The following UPRT variants were observed in gnomAD, a reference collection of about 807,000 sequenced individuals.
UPRT encodes uracil phosphoribosyltransferase homolog, also known as RP11-311P8.3.
UPRT carries 5 observed loss-of-function variants against 22.6 expected under a neutral mutation model. The observed-to-expected ratio is 0.22, with a 90% CI of 0.12 to 0.47. The LOEUF (loss-of-function observed/expected upper bound fraction) is 0.47. Among genes scored for constraint, UPRT ranks in the 20% least tolerant of loss-of-function variants. The pLI, the probability that UPRT is intolerant of heterozygous loss-of-function variation, is 0.99. For missense variants in UPRT, 181 were observed against 239.9 expected, an observed-to-expected ratio of 0.75 and a Z score of 1.62; for synonymous variants, 77 against 87.7, an observed-to-expected ratio of 0.88 and a Z score of 0.68.
At chrX:75,289,087 A>G (rs1364395271) in intron 1 of UPRT, among the ~76,000 whole-genome samples, 2 of 111,093 alleles carry the variant, frequency 1.8e-5, no homozygotes, top group African/African-American at 6.5e-5. Flanking sequence ...TCATATTTAC[A>G]GGGCTGGGCA....
chrX:75,237,747 A>G (rs760313527), intron 4 of UPRT, among the ~76,000 whole-genome samples: 10 of 95,128 alleles, frequency 1.1e-4, no homozygotes, highest in African/African-American at 1.6e-4. Context: ...GAATTGAACA[A>G]TGAGAACACA....
intron 3 of UPRT, among the ~76,000 whole-genome samples, chrX:75,163,636 G>T (rs1406514933): frequency 8.9e-6 from 1 of 112,039 alleles, no homozygotes; most frequent in Non-Finnish European, 1.9e-5. Flanking sequence ...GAACATGAAT[G>T]TTTATAGCAG....
At chrX:75,241,605 A>G (rs2082488800) in intron 4 of UPRT, among the ~76,000 whole-genome samples, 1 of 111,960 alleles carries the variant, frequency 8.9e-6, no homozygotes, top group South Asian at 3.7e-4. Flanking sequence ...GTCATTATAT[A>G]AAAAAGACAC....
At chrX:75,225,297 TACAAAA>T (rs1236487400) in intron 4 of UPRT, among the ~76,000 whole-genome samples, 3 of 98,941 alleles carry the variant, frequency 3.0e-5, no homozygotes, top group Admixed American at 2.4e-4. Context: ...AGTCCATCTC[TACAAAA>T]ACAAAACCAA....
At chrX:75,284,013 T>A (rs773895300) in intron 1 of UPRT, among the ~76,000 whole-genome samples, 99 of 111,798 alleles carry the variant, frequency 8.9e-4, no homozygotes, top group Non-Finnish European at 1.4e-3. Context: ...TTCTTTGTCT[T>A]TGTTGGATTG....
rs2082756329 is a variant in UPRT, at chrX:75,304,577, TG to T, written c.*1067del. 1 of 111,490 alleles carries T rather than the reference TG, an allele frequency of 9.0e-6. No homozygotes were observed. The highest frequency in any genetic ancestry group is 3.3e-5 in the African/African-American group (1 of 30,635). 9.2% of individuals were successfully genotyped at this position (111,490 alleles called of 1,213,427 possible). ...GTAAAACTCTCATCTCATTTTACAT[TG>T]ATATTAAAACATTTTAACAGTGTTG... On this transcript the variant is annotated 3_prime_UTR_variant, in exon 7 of 7. Transcript: ENST00000373383.
chrX:75,294,898 G>A (rs1437717554), intron 2 of UPRT, among the ~76,000 whole-genome samples: 6 of 111,325 alleles, frequency 5.4e-5, no homozygotes, highest in Non-Finnish European at 1.1e-4. Context: ...TTAAGTTCAC[G>A]GTTATTGTAA....
intron 4 of UPRT, among the ~76,000 whole-genome samples, chrX:75,187,497 T>C (rs1449924716): frequency 9.0e-6 from 1 of 111,395 alleles, no homozygotes; most frequent in Non-Finnish European, 1.9e-5. Flanking sequence ...GACCTTTATG[T>C]GTCTTGGAGT....
chrX:75,237,950 A>G (rs1428721284), intron 4 of UPRT, among the ~76,000 whole-genome samples: 4 of 111,550 alleles, frequency 3.6e-5, no homozygotes, highest in African/African-American at 1.3e-4. Flanking sequence ...AAGTATAACA[A>G]TAATAAAAAA....
At position 75,174,984 on chromosome X, in the gene UPRT, C is replaced by A. The variant is rs1324766714; in HGVS notation, c.-447+7105C>A. Among the ~76,000 whole-genome samples the A allele has an allele frequency of 2.7e-5, 3 of 110,394 alleles. No individual in the cohort carries two copies. In the Admixed American group the frequency reaches 2.9e-4, roughly 11 times the overall value. On this transcript the variant is annotated intron_variant, in intron 4 of 13. Coordinates refer to the UPRT transcript ENST00000652605. ...TCCCTCTTTCTCTCTGACTCCTTCT[C>A]CTTGTCTCTGTTTCTTTCTCTCTCT... is the stretch of plus-strand genomic sequence containing the variant.
Position 75,184,246 on chromosome X carries a change from T to A in UPRT, c.-447+16367T>A, listed in dbSNP as rs140864256. On this transcript the variant is annotated intron_variant, in intron 4 of 13. Coordinates refer to the UPRT transcript ENST00000652605. ...CAGTTTCAGCTTTCTACATCTGGCT[T>A]GCCAGTTTTCCCAGCACCATTTATT... 3.9e-3 allele frequency among the ~76,000 whole-genome samples: 442 copies of A among 112,192 alleles called. 7 individuals carry two copies. Among genetic ancestry groups the A allele is most frequent in the East Asian group, 0.031 (109 of 3,565 alleles).
intron 4 of UPRT, among the ~76,000 whole-genome samples, chrX:75,186,892 C>T (rs2082294453): frequency 9.0e-6 from 1 of 111,291 alleles, no homozygotes; most frequent in African/African-American, 3.3e-5. Context: ...TTCCTCCATC[C>T]CTTTATTTTG....
chrX:75,232,653 G>A (rs1053705386), intron 4 of UPRT, among the ~76,000 whole-genome samples: 5 of 112,103 alleles, frequency 4.5e-5, no homozygotes, highest in Non-Finnish European at 7.5e-5. Context: ...GCCTAACTGG[G>A]AGACACTCGC....
intron 4 of UPRT, among the ~76,000 whole-genome samples, chrX:75,215,965 T>C (rs962477279): frequency 8.9e-6 from 1 of 112,023 alleles, no homozygotes; most frequent in Non-Finnish European, 1.9e-5. Context: ...ATAATACCAA[T>C]TATTTGTAAT....
chrX:75,252,518 C>T (rs1381882278), intron 4 of UPRT, among the ~76,000 whole-genome samples: 2 of 111,908 alleles, frequency 1.8e-5, no homozygotes, highest in African/African-American at 3.3e-5. Context: ...GTTAGAATGG[C>T]GATCATTAAA....
intron 4 of UPRT, among the ~76,000 whole-genome samples, chrX:75,186,393 G>T (rs2082291587): frequency 9.0e-6 from 1 of 111,481 alleles, no homozygotes; most frequent in South Asian, 3.8e-4. Flanking sequence ...GAGATAGTTT[G>T]TTATAATTTC....
intron 4 of UPRT, among the ~76,000 whole-genome samples, chrX:75,172,270 G>A (rs1186216606): frequency 1.8e-5 from 2 of 111,215 alleles, no homozygotes; most frequent in African/African-American, 3.3e-5. Context: ...GGCTGCTGTG[G>A]GGGATAGGGG....
At chrX:75,249,124 G>A (rs1200435001) in intron 4 of UPRT, among the ~76,000 whole-genome samples, 4 of 111,183 alleles carry the variant, frequency 3.6e-5, no homozygotes, top group South Asian at 3.9e-4. Context: ...GGTAAAGACC[G>A]TCAAGTCTAG....
chrX:75,175,311 A>G (rs2082243273), intron 4 of UPRT, among the ~76,000 whole-genome samples: 1 of 111,764 alleles, frequency 8.9e-6, no homozygotes, highest in Non-Finnish European at 1.9e-5. Flanking sequence ...ATCCCTCCCT[A>G]ATAATAGTGT....
Sources: gnomAD v4.1 joint callset for allele counts (sites outside exome capture counted in the v4.1 genomes callset) on GRCh38, gnomAD v4.1.1 for gene constraint, MANE v1.5 for transcripts, NCBI Gene and HGNC (gene_info 2026-07-23, HGNC 2026-07-21) for gene names.